The following HACD4 variants were observed in gnomAD, a reference collection of about 807,000 sequenced individuals.
HACD4 encodes very-long-chain (3R)-3-hydroxyacyl-CoA dehydratase 4.
Under a neutral mutation model 33.3 loss-of-function variants are expected in HACD4, and 35 were observed. The observed-to-expected ratio is 1.05, with a 90% CI of 0.80 to 1.39. The LOEUF is 1.39. Ranked by LOEUF, HACD4 falls within the 40% of genes most tolerant of loss-of-function variation. The pLI, the probability that HACD4 is intolerant of heterozygous loss-of-function variation, is 0.00. For synonymous variants in HACD4, 118 were observed against 98.0 expected (o/e 1.20, Z -1.21); for missense variants, 323 against 276.5 (o/e 1.17, Z -1.19).
chr9:21,031,635 C>T lies in HACD4; in HGVS notation c.-45G>A, dbSNP rs1009716408. On this transcript the variant is annotated 5_prime_UTR_variant, in exon 1 of 7. Coordinates refer to ENST00000495827, the MANE Select transcript of HACD4 (RefSeq NM_001010915.5). ...TTCCAGCGCGGTCCAGGAAGGAGTACCGGGGAGGAGGCAGGGGCGGCCCCG... is the reference window on the plus strand; with the variant it reads ...TTCCAGCGCGGTCCAGGAAGGAGTATCGGGGAGGAGGCAGGGGCGGCCCCG... 3.0e-6 allele frequency: 4 copies of T among 1,349,346 alleles called. No homozygotes were observed. Among genetic ancestry groups the T allele is most frequent in the Non-Finnish European group, 3.8e-6 (4 of 1,054,868 alleles). The allele number at this position is 1,349,346 out of a possible 1,614,324, so 83.6% of individuals were successfully genotyped here. A position where few individuals can be genotyped will look rare whatever the true frequency, so the allele number is the denominator to read the frequency against.
intron 5 of HACD4, among the ~76,000 whole-genome samples, chr9:21,010,543 A>T (rs1009933417): frequency 7.3e-5 from 11 of 150,026 alleles, no homozygotes; most frequent in African/African-American, 2.7e-4. Flanking sequence ...TGCTGATATA[A>T]GCCCTGTTAA....
At chr9:21,008,967 A>C (rs1171692592) in intron 5 of HACD4, among the ~76,000 whole-genome samples, 2 of 152,184 alleles carry the variant, frequency 1.3e-5, no homozygotes, top group South Asian at 4.1e-4. Flanking sequence ...AGAGCCAAGC[A>C]GAGGTATGAG....
At position 21,008,069 on chromosome 9, in the gene HACD4, T is replaced by A. The variant is rs560763075; in HGVS notation, c.568A>T (p.Ile190Phe). ...YSTKLPFDLS[I>F]YFPYVLKIYL... Reference sequence around the variant, plus strand: ...ATTTTCAGCACATATGGGAAATAGATGGATAAGTCAAAGGGCAGCTTGGTG... The same window carrying A: ...ATTTTCAGCACATATGGGAAATAGAAGGATAAGTCAAAGGGCAGCTTGGTG... Residue 190 changes from isoleucine to phenylalanine, a missense_variant, in exon 6 of 7, where the codon ATC becomes TTC. Coordinates refer to ENST00000495827, the MANE Select transcript of HACD4 (RefSeq NM_001010915.5). The A allele has an allele frequency of 6.2e-7, 1 of 1,611,652 alleles. No individual in the cohort carries two copies. Among genetic ancestry groups the A allele is most frequent in the Non-Finnish European group, 8.5e-7 (1 of 1,178,738 alleles).
chr9:21,021,853 T>G (rs1288169556), intron 3 of HACD4, among the ~76,000 whole-genome samples: 1 of 152,280 alleles, frequency 6.6e-6, no homozygotes, highest in Middle Eastern at 3.4e-3. Context: ...TACCAATGAC[T>G]TTCTTCACGG....
chr9:21,015,139 A>C (rs1439929169), intron 4 of HACD4: 2 of 152,240 alleles, frequency 1.3e-5, no homozygotes, highest in Non-Finnish European at 1.5e-5. Context: ...GACTCAACTT[A>C]TTATTTAAAC....
In HACD4 at chr9:21,007,094, T is replaced by C; in HGVS notation, c.642A>G (p.Leu214=). ...CGAGGATGTCTCTTCTTTCTGAGTA[T>C]AGATGACTGTAGGTAAAATACATAC... ...FIGMYFTYSH[L]YSERRDILGI... Residue 214 remains leucine, a synonymous_variant, in exon 7 of 7, where the codon CTA becomes CTG. Coordinates refer to ENST00000495827, the MANE Select transcript of HACD4 (RefSeq NM_001010915.5). The C allele has an allele frequency of 6.4e-7, 1 of 1,573,022 alleles. No individual in the cohort carries two copies. Among genetic ancestry groups the C allele is most frequent in the Non-Finnish European group, 8.8e-7 (1 of 1,142,678 alleles).
Position 21,004,745 on chromosome 9 carries a change from C to T in HACD4, c.*2292G>A, listed in dbSNP as rs1246988418. On this transcript the variant is annotated 3_prime_UTR_variant, in exon 7 of 7. Transcript: ENST00000495827. This position sits in a 1 kb window ranked among gnomAD's most constrained non-coding sequence, Gnocchi z 4.6. ...GCCAAGCTAAGACAGCAATTAGTAC[C>T]AAGAAGTGTGGTGATGCTATAACCA... The T allele has an allele frequency of 6.6e-6, 1 of 152,150 alleles. No homozygotes were observed. Among genetic ancestry groups the T allele is most frequent in the Non-Finnish European group, 1.5e-5 (1 of 68,060 alleles). The allele number at this position is 152,150 out of a possible 1,614,324, so 9.4% of individuals were successfully genotyped here.
intron 3 of HACD4, among the ~76,000 whole-genome samples, chr9:21,021,552 C>T (rs540829164): frequency 1.6e-4 from 24 of 152,194 alleles, no homozygotes; most frequent in East Asian, 1.2e-3. Context: ...AGAATCAATG[C>T]GCAAAACTCA....
intron 3 of HACD4, among the ~76,000 whole-genome samples, chr9:21,021,506 A>C (rs1179435264): frequency 6.6e-6 from 1 of 152,218 alleles, no homozygotes; most frequent in Non-Finnish European, 1.5e-5. Flanking sequence ...AAATCTCCTT[A>C]AGCTGATAAG....
intron 2 of HACD4, among the ~76,000 whole-genome samples, chr9:21,028,802 C>A (rs1367529827): frequency 6.6e-6 from 1 of 152,214 alleles, no homozygotes; most frequent in Non-Finnish European, 1.5e-5. Flanking sequence ...GGTTAGCCCT[C>A]TACAAAGTGT....
chr9:21,010,454 G>C (rs1842385173), intron 5 of HACD4, among the ~76,000 whole-genome samples: 1 of 11,118 alleles, frequency 9.0e-5, no homozygotes, highest in South Asian at 3.8e-3. Flanking sequence ...AGACATCCTG[G>C]TACCCCCCCC....
intron 3 of HACD4, 128 bp downstream of exon 3, chr9:21,026,468 T>C: frequency 1.4e-6 from 1 of 734,654 alleles, no homozygotes; most frequent in Non-Finnish European, 2.2e-6. Context: ...TTCCATGAAA[T>C]TAATTCTCCT....
intron 2 of HACD4, among the ~76,000 whole-genome samples, chr9:21,027,950 T>C (rs997660576): frequency 1.4e-4 from 21 of 151,756 alleles, no homozygotes; most frequent in African/African-American, 4.8e-4. Context: ...GCCTGGCCAA[T>C]GTGGTGAAAC....
chr9:21,017,953 T>C (rs573348166), intron 3 of HACD4: 14 of 152,292 alleles, frequency 9.2e-5, no homozygotes, highest in South Asian at 4.1e-4. Flanking sequence ...ACTCACCCTG[T>C]TGAAAATCAT....
intron 2 of HACD4, among the ~76,000 whole-genome samples, chr9:21,027,470 G>A (rs574830375): frequency 1.1e-4 from 17 of 152,172 alleles, no homozygotes; most frequent in Admixed American, 7.2e-4. Flanking sequence ...GCCCAGTGAT[G>A]ATTCACACAA....
At chr9:21,016,058 T>G (rs753546270) in intron 3 of HACD4, 48 bp from the exon 4 acceptor site, 1 of 1,294,260 alleles carries the variant, frequency 7.7e-7, no homozygotes, top group South Asian at 1.2e-5. Flanking sequence ...TATTAGGCTA[T>G]GTAGGTAATT....
intron 5 of HACD4, among the ~76,000 whole-genome samples, chr9:21,009,057 T>G (rs1842345216): frequency 6.6e-6 from 1 of 152,174 alleles, no homozygotes; most frequent in African/African-American, 2.4e-5. Context: ...TCTCTAGCAT[T>G]TTATCAGTAT....
intron 3 of HACD4, among the ~76,000 whole-genome samples, chr9:21,016,889 T>C (rs547791597): frequency 1.3e-5 from 2 of 152,126 alleles, no homozygotes; most frequent in South Asian, 4.1e-4. Context: ...TTACAAATCA[T>C]TGAGACTTCA....
intron 3 of HACD4, 87 bp downstream of exon 3, chr9:21,026,509 C>G (rs940618193): frequency 1.8e-6 from 2 of 1,127,030 alleles, no homozygotes; most frequent in Middle Eastern, 4.2e-4. Context: ...GGTTGGCTTT[C>G]TAACTGCCAT....
Sources: allele counts gnomAD v4.1 joint callset (sites outside exome capture counted in the v4.1 genomes callset), GRCh38; gene constraint gnomAD v4.1.1; non-coding constraint Gnocchi (gnomAD v3.1); transcripts MANE v1.5; gene names NCBI Gene and HGNC (gene_info 2026-07-23, HGNC 2026-07-21).